Variants in RPSA2 observed in about 807,000 individuals in gnomAD.
RPSA2 encodes ribosomal protein SA 2.
chr19:23,830,292 G>A, the RPSA2 span, among the ~76,000 whole-genome samples: 1 of 152,092 alleles, frequency 6.6e-6, no homozygotes, highest in Non-Finnish European at 1.5e-5. Context: ...TTACAGGCAT[G>A]TGCCACCACA....
the RPSA2 span, among the ~76,000 whole-genome samples, chr19:23,796,611 C>A: frequency 6.6e-6 from 1 of 152,086 alleles, no homozygotes; most frequent in African/African-American, 2.4e-5. Context: ...CTCTTTATTA[C>A]TAATTCAATT....
At chr19:23,811,179 G>T in the RPSA2 span, among the ~76,000 whole-genome samples, 1 of 151,792 alleles carries the variant, frequency 6.6e-6, no homozygotes, top group Non-Finnish European at 1.5e-5. Context: ...CCACCACCCA[G>T]CTAAATTTTG....
At chr19:23,765,715 C>A in the RPSA2 span, among the ~76,000 whole-genome samples, 772 of 152,258 alleles carry the variant, frequency 5.1e-3, 3 homozygotes, top group Non-Finnish European at 8.5e-3. Flanking sequence ...GCACAACAAA[C>A]CCCCATGACA....
chr19:23,859,885 T>C, the RPSA2 span, among the ~76,000 whole-genome samples: 1 of 152,188 alleles, frequency 6.6e-6, no homozygotes, highest in Non-Finnish European at 1.5e-5. Context: ...TTAGGGAAGA[T>C]TAAACATTGT....
At chr19:23,788,362 T>G in the RPSA2 span, among the ~76,000 whole-genome samples, 1 of 152,194 alleles carries the variant, frequency 6.6e-6, no homozygotes, top group African/African-American at 2.4e-5. Context: ...TCTCAGGGCA[T>G]TGTGACATGT....
the RPSA2 span, among the ~76,000 whole-genome samples, chr19:23,847,814 C>A: frequency 1.3e-5 from 2 of 152,102 alleles, no homozygotes; most frequent in African/African-American, 4.8e-5. Context: ...GACCTCCCCC[C>A]AGGAATGCAA....
At chr19:23,769,126 T>C in the RPSA2 span, among the ~76,000 whole-genome samples, 1 of 152,250 alleles carries the variant, frequency 6.6e-6, no homozygotes, top group African/African-American at 2.4e-5. Flanking sequence ...TGTGTGACTC[T>C]CTTCTCCCTG....
the RPSA2 span, among the ~76,000 whole-genome samples, chr19:23,760,331 T>C: frequency 6.6e-6 from 1 of 152,052 alleles, no homozygotes. Flanking sequence ...TAATTTTGAG[T>C]AGTTTCAGGC....
At chr19:23,806,772 G>A in the RPSA2 span, among the ~76,000 whole-genome samples, 1 of 121,426 alleles carries the variant, frequency 8.2e-6, no homozygotes, top group Admixed American at 1.1e-4. Context: ...GTGACAGAGC[G>A]AGACTGAGTC....
the RPSA2 span, among the ~76,000 whole-genome samples, chr19:23,865,258 A>G: frequency 6.6e-6 from 1 of 152,344 alleles, no homozygotes; most frequent in East Asian, 1.9e-4. Context: ...GTTGAAGAAA[A>G]ACATTATGTG....
the RPSA2 span, among the ~76,000 whole-genome samples, chr19:23,807,173 C>G: frequency 6.6e-6 from 1 of 152,082 alleles, no homozygotes; most frequent in Non-Finnish European, 1.5e-5. Context: ...GGCAGCTGCC[C>G]TGTTTTTGAG....
the RPSA2 span, among the ~76,000 whole-genome samples, chr19:23,845,743 C>T: frequency 0.12 from 17,877 of 152,272 alleles, 1,114 homozygotes; most frequent in East Asian, 0.22. Flanking sequence ...CCACCTGCCT[C>T]AGCCTCACAA....
chr19:23,869,153 G>C, the RPSA2 span, among the ~76,000 whole-genome samples: 1 of 152,096 alleles, frequency 6.6e-6, no homozygotes, highest in South Asian at 2.1e-4. Flanking sequence ...GAGATCTATC[G>C]TGATCAGGGA....
chr19:23,801,585 C>G, the RPSA2 span, among the ~76,000 whole-genome samples: 1 of 152,166 alleles, frequency 6.6e-6, no homozygotes, highest in Non-Finnish European at 1.5e-5. Context: ...AATAAGAGCA[C>G]AATTATGTCT....
chr19:23,825,722 G>C, the RPSA2 span, among the ~76,000 whole-genome samples: 4 of 152,046 alleles, frequency 2.6e-5, no homozygotes, highest in African/African-American at 9.7e-5. Flanking sequence ...ATGTAGCTGA[G>C]ATTACAGGCA....
the RPSA2 span, among the ~76,000 whole-genome samples, chr19:23,843,806 C>T: frequency 6.6e-6 from 1 of 152,102 alleles, no homozygotes. Context: ...GTTGCCGAGG[C>T]TGGAGTGCAA....
chr19:23,858,345 C>T, the RPSA2 span, among the ~76,000 whole-genome samples: 2 of 152,042 alleles, frequency 1.3e-5, no homozygotes, highest in African/African-American at 4.8e-5. Flanking sequence ...GCCCTGACTT[C>T]ACCACTATGC....
At chr19:23,826,017 T>G in the RPSA2 span, among the ~76,000 whole-genome samples, 2 of 104,642 alleles carry the variant, frequency 1.9e-5, no homozygotes, top group African/African-American at 7.1e-5. Flanking sequence ...TAGTTATTAT[T>G]GTTTATTTCT....
the RPSA2 span, chr19:23,832,630 C>A: frequency 1.5e-5 from 22 of 1,430,238 alleles, no homozygotes; most frequent in Non-Finnish European, 2.0e-5. Flanking sequence ...CTGGGAGAGA[C>A]CCTACAAATG....
Sources: gnomAD v4.1 joint callset for allele counts (sites outside exome capture counted in the v4.1 genomes callset) on GRCh38, gnomAD v4.1.1 for gene constraint, MANE v1.5 for transcripts, NCBI Gene and HGNC (gene_info 2026-07-23, HGNC 2026-07-21) for gene names.